The following CTNNA2 variants were observed in gnomAD, a reference collection of about 807,000 sequenced individuals.
CTNNA2 encodes catenin alpha-2.
Under a neutral mutation model 101.0 loss-of-function variants are expected in CTNNA2, and 42 were observed. The observed-to-expected ratio is 0.42, with a 90% confidence interval of 0.32 to 0.54. CTNNA2 has a LOEUF of 0.54. Among genes scored for constraint, CTNNA2 ranks in the 20% least tolerant of loss-of-function variants. The probability of loss-of-function intolerance (pLI) is 0.14; values close to 1 mark genes in which losing one functional copy is unlikely to be tolerated. For synonymous variants in CTNNA2, 450 were observed against 456.4 expected (o/e 0.99, Z 0.18); for missense variants, 871 against 1,223.1 (o/e 0.71, Z 4.29).
Position 80,428,401 on chromosome 2 carries a change from G to A in CTNNA2, c.1290+8800G>A, listed in dbSNP as rs1416226071. 5.9e-5 allele frequency among the ~76,000 whole-genome samples: 9 copies of A among 152,310 alleles called. No homozygotes were observed. In the East Asian group the frequency reaches 1.4e-3, roughly 23 times the overall value. The stretch of plus-strand genomic sequence containing the variant: ...TGTCCAATGATATTGCAATAGTCCA[G>A]CAAGTGATTAGTACTATGACTAGAA... On this transcript the variant is annotated intron_variant, in intron 9 of 18. Coordinates refer to ENST00000402739, the MANE Select transcript of CTNNA2 (RefSeq NM_001282597.3).
At chr2:80,198,032 G>A (rs1338463147) in intron 7 of CTNNA2, among the ~76,000 whole-genome samples, 18 of 152,118 alleles carry the variant, frequency 1.2e-4, no homozygotes. Flanking sequence ...TACTAGCAGG[G>A]CTCACAATAT....
chr2:80,527,793 A>G (rs779631765), intron 9 of CTNNA2, among the ~76,000 whole-genome samples: 6 of 152,162 alleles, frequency 3.9e-5, no homozygotes, highest in South Asian at 2.1e-4. Flanking sequence ...GAAATACTCT[A>G]ACTGAATTTA....
chr2:80,015,021 C>A (rs1013335090), intron 7 of CTNNA2, among the ~76,000 whole-genome samples: 1 of 152,038 alleles, frequency 6.6e-6, no homozygotes, highest in Non-Finnish European at 1.5e-5. Context: ...CCAAACTGGA[C>A]CAAAAAGTTA....
At position 79,800,302 on chromosome 2, in the gene CTNNA2, C is replaced by T. The variant is rs374273933; in HGVS notation, c.298+55720C>T. On this transcript the variant is annotated intron_variant, in intron 3 of 18. Coordinates refer to ENST00000402739, the MANE Select transcript of CTNNA2 (RefSeq NM_001282597.3). ...TGGCTGTGCTGCTTTTGGTGCAAAA[C>T]GCTAGCCCCTCACCTCTTTTCTAAA... Among the ~76,000 whole-genome samples the T allele has an allele frequency of 8.2e-4, 125 of 152,214 alleles. 1 individual carries two copies. Among genetic ancestry groups the T allele is most frequent in the South Asian group, 4.6e-3 (22 of 4,820 alleles).
At chr2:79,541,677 A>T (rs1475112918) in intron 1 of CTNNA2, among the ~76,000 whole-genome samples, 2 of 150,060 alleles carry the variant, frequency 1.3e-5, no homozygotes, top group African/African-American at 2.5e-5. Context: ...GCCAGGCTGG[A>T]GTGCAGTGGC....
chr2:79,736,816 A>C (rs1670908643), intron 2 of CTNNA2, among the ~76,000 whole-genome samples: 1 of 152,206 alleles, frequency 6.6e-6, no homozygotes, highest in Non-Finnish European at 1.5e-5. Flanking sequence ...ACAAGTCTTT[A>C]GGCATCTAGC....
At chr2:79,659,559 A>G (rs193086175) in intron 2 of CTNNA2, among the ~76,000 whole-genome samples, 6 of 152,308 alleles carry the variant, frequency 3.9e-5, no homozygotes, top group Non-Finnish European at 2.9e-5. Flanking sequence ...GTTTGATCTA[A>G]TTCATGTATA....
chr2:79,572,682 G>A (rs112516910), intron 1 of CTNNA2, among the ~76,000 whole-genome samples: 2 of 152,306 alleles, frequency 1.3e-5, no homozygotes, highest in Admixed American at 6.5e-5. Context: ...AACCTAAGAG[G>A]TGGAGGTTGC....
chr2:80,366,443 T>C (rs529087918), intron 7 of CTNNA2, among the ~76,000 whole-genome samples: 25 of 152,262 alleles, frequency 1.6e-4, no homozygotes, highest in Non-Finnish European at 3.4e-4. Context: ...CATTTGTTTG[T>C]ATAAAGTAGT....
intron 9 of CTNNA2, among the ~76,000 whole-genome samples, chr2:80,522,674 G>T (rs924228847): frequency 6.6e-6 from 1 of 152,014 alleles, no homozygotes; most frequent in African/African-American, 2.4e-5. Flanking sequence ...AGTGCTGCTT[G>T]TTTAAGTATG....
At chr2:79,263,539 T>C (rs1674950071) in intron 2 of CTNNA2, among the ~76,000 whole-genome samples, 1 of 152,186 alleles carries the variant, frequency 6.6e-6, no homozygotes, top group South Asian at 2.1e-4. Flanking sequence ...CTTTTCTTTA[T>C]AAATCACCCA....
At chr2:79,833,585 C>A (rs1558563740) in intron 3 of CTNNA2, among the ~76,000 whole-genome samples, 1 of 152,124 alleles carries the variant, frequency 6.6e-6, no homozygotes, top group Non-Finnish European at 1.5e-5. Flanking sequence ...GAAAATCCTG[C>A]CACTTAGTAA....
At chr2:79,642,259 G>A (rs559333497) in intron 1 of CTNNA2, among the ~76,000 whole-genome samples, 3 of 152,170 alleles carry the variant, frequency 2.0e-5, no homozygotes, top group Non-Finnish European at 4.4e-5. Flanking sequence ...AAAAATAGAA[G>A]TCTTGCAAAT....
chr2:79,629,164 C>T (rs955546030), intron 1 of CTNNA2, among the ~76,000 whole-genome samples: 1 of 152,116 alleles, frequency 6.6e-6, no homozygotes, highest in African/African-American at 2.4e-5. Context: ...TTGTGAGAAT[C>T]ATTTTTCTCG....
At chr2:79,451,217 T>A (rs1177913498) in intron 4 of CTNNA2, among the ~76,000 whole-genome samples, 1 of 152,160 alleles carries the variant, frequency 6.6e-6, no homozygotes, top group Non-Finnish European at 1.5e-5. Context: ...ACTTGAATGA[T>A]AATTTTTTCA....
In CTNNA2 at chr2:80,292,755, C is replaced by T. The variant is rs542161303; in HGVS notation, c.1057-100456C>T. Among the ~76,000 whole-genome samples the T allele has an allele frequency of 7.2e-5, 11 of 152,298 alleles. No homozygotes were observed. The South Asian group carries it at 1.9e-3, about 26-fold the overall frequency. Reference sequence around the variant, plus strand: ...CTATTGTTCACTCCACAAATGTTGACTTAAGCTCTGAACAAGAAATGTTGT... The same window carrying T: ...CTATTGTTCACTCCACAAATGTTGATTTAAGCTCTGAACAAGAAATGTTGT... On this transcript the variant is annotated intron_variant, in intron 7 of 18. Transcript: ENST00000402739.
At position 79,399,570 on chromosome 2, in the gene CTNNA2, T is replaced by A. The variant is rs2167388; in HGVS notation, c.-135+25557T>A. Among the ~76,000 whole-genome samples the A allele has an allele frequency of 0.019, 2,924 of 152,100 alleles. 221 individuals carry two copies. In the East Asian group the frequency reaches 0.23, roughly 12 times the overall value. The stretch of plus-strand genomic sequence containing the variant: ...CACAACAAAGAATACAGACTTTACA[T>A]AATAGTCCAGATAAGTCAATAAACG... On this transcript the variant is annotated intron_variant, in intron 4 of 21. Transcript: ENST00000466387.
chr2:80,023,988 G>A (rs1378784673), intron 7 of CTNNA2, among the ~76,000 whole-genome samples: 1 of 151,830 alleles, frequency 6.6e-6, no homozygotes, highest in African/African-American at 2.4e-5. Flanking sequence ...TCAGGAGGCC[G>A]AGGCGGGAGA....
chr2:79,367,076 A>T (rs1416056669), intron 3 of CTNNA2, among the ~76,000 whole-genome samples: 1 of 152,204 alleles, frequency 6.6e-6, no homozygotes, highest in East Asian at 1.9e-4. Flanking sequence ...TCATAAGGGT[A>T]GAGCCCTCAT....
Sources: gnomAD v4.1 joint callset for allele counts (sites outside exome capture counted in the v4.1 genomes callset) on GRCh38, gnomAD v4.1.1 for gene constraint, MANE v1.5 for transcripts, NCBI Gene and HGNC (gene_info 2026-07-23, HGNC 2026-07-21) for gene names.